CCDC138: variants seen among roughly 807,000 people sequenced by gnomAD.
CCDC138 encodes coiled-coil domain-containing protein 138.
CCDC138 carries 66 observed loss-of-function variants against 82.3 expected under a neutral mutation model. That is an observed-to-expected ratio of 0.80 (90% CI 0.66 to 0.98). The LOEUF is 0.98. Among genes scored for constraint, CCDC138 ranks in the 50% least tolerant of loss-of-function variants. The pLI, the probability that CCDC138 is intolerant of heterozygous loss-of-function variation, is 0.00. For synonymous variants in CCDC138, 297 were observed against 265.4 expected (o/e 1.12, Z -1.16); for missense variants, 816 against 758.9 (o/e 1.08, Z -0.88).
chr2:108,872,288 C>G (rs759502948), intron 13 of CCDC138, among the ~76,000 whole-genome samples: 1 of 152,096 alleles, frequency 6.6e-6, no homozygotes, highest in Non-Finnish European at 1.5e-5. Context: ...CCTTCTCATA[C>G]GCAGAATACA....
rs137997812 is a variant in CCDC138 at position 108,789,630 on chromosome 2, A to G, written c.266+664A>G. ...CGAACTACAAAAAAAACTGCCATACAGGTTTTGTTAGGCAGCAGCATTTTA... is the reference window on the plus strand; with the variant it reads ...CGAACTACAAAAAAAACTGCCATACGGGTTTTGTTAGGCAGCAGCATTTTA... On this transcript the variant is annotated intron_variant, in intron 3 of 14. Coordinates refer to ENST00000295124, the MANE Select transcript of CCDC138 (RefSeq NM_144978.3). 1.9e-3 allele frequency among the ~76,000 whole-genome samples: 291 copies of G among 152,252 alleles called. 3 individuals are homozygous for G. The highest frequency in any genetic ancestry group is 6.8e-3 in the African/African-American group (282 of 41,544).
intron 13 of CCDC138, among the ~76,000 whole-genome samples, chr2:108,860,922 A>T (rs1469884578): frequency 8.6e-6 from 1 of 116,602 alleles, no homozygotes; most frequent in East Asian, 2.9e-4. Flanking sequence ...CTGTGAATCC[A>T]TCTGGTCCAG....
At chr2:108,865,105 CT>C (rs1340709361) in intron 13 of CCDC138, among the ~76,000 whole-genome samples, 1 of 151,884 alleles carries the variant, frequency 6.6e-6, no homozygotes, top group Non-Finnish European at 1.5e-5. Flanking sequence ...TTACTTTTTC[CT>C]TTTTATCACA....
chr2:108,829,772 C>G (rs543376678), intron 10 of CCDC138, among the ~76,000 whole-genome samples: 3 of 152,178 alleles, frequency 2.0e-5, no homozygotes, highest in African/African-American at 7.2e-5. Flanking sequence ...TATATACATA[C>G]GTACATACAA....
intron 12 of CCDC138, among the ~76,000 whole-genome samples, chr2:108,850,437 G>A (rs757377015): frequency 2.0e-5 from 3 of 151,902 alleles, no homozygotes; most frequent in African/African-American, 4.8e-5. Context: ...AATACTTGGC[G>A]AGTTTTTTTT....
chr2:108,839,592 A>G (rs1052039821), intron 11 of CCDC138, among the ~76,000 whole-genome samples: 2 of 152,086 alleles, frequency 1.3e-5, no homozygotes, highest in Non-Finnish European at 2.9e-5. Context: ...AAATTGCTGC[A>G]TTCTTGTTTA....
rs145643143 is a variant in CCDC138 at position 108,846,771 on chromosome 2, G to A, written c.1357G>A (p.Gly453Ser). 91 of 1,612,608 alleles carry A rather than the reference G, an allele frequency of 5.6e-5. No individual in the cohort carries two copies. Among genetic ancestry groups the A allele is most frequent in the Non-Finnish European group, 7.0e-5 (83 of 1,179,082 alleles). ...STMTSTLRRL[G>S]EDIFKGVVTK... Reference sequence around the variant, plus strand: ...TATGACATCAACATTGAGGAGATTGGGTGAAGACATTTTTAAAGGAGTGGT... The same window carrying A: ...TATGACATCAACATTGAGGAGATTGAGTGAAGACATTTTTAAAGGAGTGGT... Residue 453 changes from glycine (G) to serine (S), a missense_variant, in exon 12 of 15, where the codon GGT becomes AGT. By Grantham distance (56) the Gly-to-Ser change is moderately conservative (BLOSUM62 0). Coordinates refer to ENST00000295124, the MANE Select transcript of CCDC138 (RefSeq NM_144978.3).
intron 13 of CCDC138, among the ~76,000 whole-genome samples, chr2:108,869,256 A>G (rs1175422728): frequency 2.6e-5 from 4 of 152,198 alleles, no homozygotes; most frequent in African/African-American, 9.7e-5. Context: ...AGAAAAAGCC[A>G]CATGCAAAAT....
chr2:108,798,458 G>A lies in CCDC138; in HGVS notation c.607G>A (p.Glu203Lys), dbSNP rs769659805. The A allele has an allele frequency of 3.1e-6, 5 of 1,613,452 alleles. No individual in the cohort carries two copies. The East Asian group carries it at 8.9e-5, about 29-fold the overall frequency. Residue 203 changes from glutamate to lysine, a missense_variant, in exon 6 of 15, where the codon GAA becomes AAA. Physicochemically the swap from Glu to Lys is moderately conservative, Grantham distance 56 (BLOSUM62 1). Coordinates refer to ENST00000295124, the MANE Select transcript of CCDC138 (RefSeq NM_144978.3). Reference protein sequence around the residue: ...CETAAQQKFAEELQKRERFLL... With the variant: ...CETAAQQKFAKELQKRERFLL... Reference sequence around the variant, plus strand: ...AACTGCAGCACAACAGAAATTTGCTGAAGAACTTCAAAAGCGAGAACGTTT... The same window carrying A: ...AACTGCAGCACAACAGAAATTTGCTAAAGAACTTCAAAAGCGAGAACGTTT...
intron 11 of CCDC138, 58 bp downstream of exon 11, chr2:108,839,359 A>T: frequency 7.2e-7 from 1 of 1,388,128 alleles, no homozygotes; most frequent in East Asian, 2.3e-5. Context: ...TTACTTCTTG[A>T]TCTTGTTTCA....
At chr2:108,790,719 C>G (rs778495915) in intron 3 of CCDC138, among the ~76,000 whole-genome samples, 20 of 152,070 alleles carry the variant, frequency 1.3e-4, no homozygotes, top group Non-Finnish European at 2.2e-4. Context: ...AATAAATAGG[C>G]ATGGATAAAA....
intron 7 of CCDC138, among the ~76,000 whole-genome samples, chr2:108,807,438 A>G (rs182143013): frequency 2.0e-3 from 306 of 152,314 alleles, no homozygotes; most frequent in Non-Finnish European, 3.0e-3. Context: ...TTGATACAGT[A>G]ATGTGTAATG....
chr2:108,854,035 A>ATTT (rs1558738601), intron 12 of CCDC138, among the ~76,000 whole-genome samples: 7 of 108,714 alleles, frequency 6.4e-5, no homozygotes, highest in African/African-American at 2.9e-4. Context: ...TATATTATAT[A>ATTT]TAATATATAA....
chr2:108,825,757 A>T (rs1686475895), intron 10 of CCDC138, among the ~76,000 whole-genome samples: 1 of 152,154 alleles, frequency 6.6e-6, no homozygotes, highest in Non-Finnish European at 1.5e-5. Flanking sequence ...GTTGCTATGA[A>T]CATTTATCCA....
rs1472975623 is a variant in CCDC138, at chr2:108,876,081, T to C, written c.1833-7T>C. The C allele has an allele frequency of 1.3e-6, 2 of 1,554,702 alleles. No individual in the cohort carries two copies. Among genetic ancestry groups the C allele is most frequent in the African/African-American group, 1.4e-5 (1 of 73,330 alleles). On this transcript the variant is annotated splice_polypyrimidine_tract_variant and splice_region_variant and intron_variant, in intron 14 of 14. Coordinates refer to ENST00000295124, the MANE Select transcript of CCDC138 (RefSeq NM_144978.3). ...GTAATTAAATAATGTATTCATTTTT[T>C]TTACAGGAGTAATAAGAAGCTCTTT...
chr2:108,807,915 A>T (rs1486606919), intron 7 of CCDC138, among the ~76,000 whole-genome samples: 2 of 152,036 alleles, frequency 1.3e-5, no homozygotes, highest in African/African-American at 4.8e-5. Context: ...AGCCCCTCCT[A>T]TCCAGTTCTA....
chr2:108,838,473 T>G (rs1227390873), intron 10 of CCDC138, among the ~76,000 whole-genome samples: 3 of 152,182 alleles, frequency 2.0e-5, no homozygotes, highest in South Asian at 4.1e-4. Flanking sequence ...ATAAATATCT[T>G]TGTACATGGC....
intron 5 of CCDC138, among the ~76,000 whole-genome samples, chr2:108,795,010 G>A (rs1475836102): frequency 1.3e-5 from 2 of 151,482 alleles, no homozygotes. Context: ...ATCTGATAAA[G>A]TATGGTTTTT....
chr2:108,830,783 G>A (rs1574113308), intron 10 of CCDC138, among the ~76,000 whole-genome samples: 1 of 151,982 alleles, frequency 6.6e-6, no homozygotes, highest in Non-Finnish European at 1.5e-5. Flanking sequence ...ACTCCAGCCT[G>A]GGCAACAAGA....
Sources: gnomAD v4.1 joint callset for allele counts (sites outside exome capture counted in the v4.1 genomes callset) on GRCh38, gnomAD v4.1.1 for gene constraint, MANE v1.5 for transcripts, NCBI Gene and HGNC (gene_info 2026-07-23, HGNC 2026-07-21) for gene names.